Variants in DOCK6 observed in about 807,000 individuals in gnomAD.
DOCK6 encodes the protein dedicator of cytokinesis 6.
Under a neutral mutation model 230.3 loss-of-function variants are expected in DOCK6, and 167 were observed. The ratio of observed to expected loss-of-function variants is 0.73; its 90% CI spans 0.64 to 0.82. DOCK6 has a LOEUF of 0.82. Ranked by LOEUF, DOCK6 falls within the 40% of genes least tolerant of loss-of-function variation. DOCK6 has a pLI of 0.00. For synonymous variants in DOCK6, 1,148 were observed against 1,185.0 expected (o/e 0.97, Z 0.64); for missense variants, 2,598 against 2,825.8 (o/e 0.92, Z 1.83).
chr19:11,213,286 C>T lies in DOCK6; in HGVS notation c.4381G>A (p.Asp1461Asn). 1.9e-6 allele frequency: 3 copies of T among 1,612,750 alleles called. No homozygotes were observed. The highest frequency in any genetic ancestry group is 1.1e-5 in the South Asian group (1 of 91,044). Residue 1461 changes from aspartate to asparagine, a missense_variant, in exon 35 of 48, where the codon GAC (aspartate) becomes AAC (asparagine). Transcript: ENST00000294618. ...LFEEDTELCA[D>N]LCLRLLRHCG... ...TGTCGTAGGAGCCTCAGGCACAGGT[C>T]GGCACACAGCTCCGTGTCCTCCTCG...
At chr19:11,247,966 G>T in intron 7 of DOCK6, 100 bp downstream of exon 7, 1 of 1,040,250 alleles carries the variant, frequency 9.6e-7, no homozygotes, top group Non-Finnish European at 1.4e-6. Flanking sequence ...AGGTGACAGG[G>T]CCGCACACGG....
chr19:11,252,704 G>A lies in DOCK6; in HGVS notation c.308+79C>T, dbSNP rs535502780. ...TTGTCCAACGTCACGGCCAAGCCAGGAGCTGAAGTCGGGCTGTTGATGGGG... is the reference window on the plus strand; with the variant it reads ...TTGTCCAACGTCACGGCCAAGCCAGAAGCTGAAGTCGGGCTGTTGATGGGG... On this transcript the variant is annotated intron_variant, in intron 3 of 47. Transcript: ENST00000294618. 1.1e-3 allele frequency: 1,712 copies of A among 1,597,198 alleles called. 3 individuals carry two copies. The highest frequency in any genetic ancestry group is 1.4e-3 in the Non-Finnish European group (1,649 of 1,167,790).
Position 11,208,773 on chromosome 19 carries a change from G to T in DOCK6, c.5001C>A (p.Pro1667=). ...ESAISDDILS[P]DEEGFCSGKH... ...TCCCGGAGCAGAAGCCCTCCTCGTC[G>T]GGCGACAGGATGTCGTCGGAGATGG... Residue 1667 remains proline (P), a synonymous_variant, in exon 39 of 48, where the codon CCC becomes CCA. Coordinates refer to ENST00000294618, the MANE Select transcript of DOCK6 (RefSeq NM_020812.4). The T allele has an allele frequency of 6.2e-7, 1 of 1,613,670 alleles. No individual in the cohort carries two copies. The highest frequency in any genetic ancestry group is 1.1e-5 in the South Asian group (1 of 91,076).
At position 11,245,860 on chromosome 19, in the gene DOCK6, C is replaced by T. The variant is rs2080024433; in HGVS notation, c.825G>A (p.Glu275=). ...ACAGAGCCAAGATCCCAAAGATGGG[C>T]TCAATTTCAATCTCGAACCTACAAG... ...CLSLKFEIEI[E]PIFGILALYD... Residue 275 remains glutamate, a synonymous_variant, in exon 8 of 48, where the codon GAG becomes GAA. Coordinates refer to ENST00000294618, the MANE Select transcript of DOCK6 (RefSeq NM_020812.4). 1.3e-6 allele frequency: 2 copies of T among 1,567,044 alleles called. No individual in the cohort carries two copies. The highest frequency in any genetic ancestry group is 1.9e-5 in the Admixed American group (1 of 52,554).
At position 11,217,072 on chromosome 19, in the gene DOCK6, A is replaced by AGAGGG; in HGVS notation, c.3731_3735dup (p.Ser1246ProfsTer18). 6.2e-7 allele frequency: 1 copy of AGAGGG among 1,613,288 alleles called. No homozygotes were observed. On this transcript the variant is annotated frameshift_variant, in exon 30 of 48. Transcript: ENST00000294618. LOFTEE classifies it high-confidence loss of function. Reference sequence around the variant, plus strand: ...AGCAAGGTCCGGCTTGACTCAGCAGAGAGGGCACAGCCTGCGCGAGAAGCC... The same window carrying AGAGGG: ...AGCAAGGTCCGGCTTGACTCAGCAGAGAGGGGAGGGCACAGCCTGCGCGAGAAGCC...
At chr19:11,239,850 C>A in intron 14 of DOCK6, 1 of 1,599,930 alleles carries the variant, frequency 6.3e-7, no homozygotes, top group Non-Finnish European at 8.5e-7. Context: ...GTCTCTATGG[C>A]CGCACAATAG....
At chr19:11,256,173 T>G (rs1303282863) in intron 1 of DOCK6, among the ~76,000 whole-genome samples, 2 of 152,082 alleles carry the variant, frequency 1.3e-5, no homozygotes, top group Non-Finnish European at 2.9e-5. Flanking sequence ...TCAAAGGATG[T>G]GAAAAATTAG....
intron 22 of DOCK6, among the ~76,000 whole-genome samples, chr19:11,231,613 G>A (rs1033176550): frequency 2.0e-5 from 3 of 152,164 alleles, no homozygotes; most frequent in Non-Finnish European, 4.4e-5. Context: ...AACTGCATCC[G>A]AAAATTTGGA....
At chr19:11,248,197 T>A in intron 6 of DOCK6, 46 bp from the exon 7 acceptor site, 5 of 1,473,024 alleles carry the variant, frequency 3.4e-6, no homozygotes, top group Non-Finnish European at 4.6e-6. Context: ...AGCTGGGACA[T>A]CCTCCAGGAA....
chr19:11,226,168 C>T lies in DOCK6; in HGVS notation c.2955+1169G>A, dbSNP rs139950138. ...CATCTGCCCTCTGCTCCACCATAAG[C>T]CCCACTTTCCCAGCTGAAACTGGTA... On this transcript the variant is annotated intron_variant, in intron 24 of 47. Transcript: ENST00000294618. Among the ~76,000 whole-genome samples, 10 of 152,302 alleles carry T rather than the reference C, an allele frequency of 6.6e-5. No individual in the cohort carries two copies. In the East Asian group the frequency reaches 1.9e-3, roughly 29 times the overall value.
At position 11,254,682 on chromosome 19, in the gene DOCK6, G is replaced by GA. The variant is rs974460402; in HGVS notation, c.45-957dup. On this transcript the variant is annotated intron_variant, in intron 1 of 47. Transcript: ENST00000294618. The stretch of plus-strand genomic sequence containing the variant: ...GGGCAACAGAGCAAGACTTTGTCTC[G>GA]AAAAAAAAAAAAAATCAGGGAGGAT... 1.7e-3 allele frequency among the ~76,000 whole-genome samples: 236 copies of GA among 135,092 alleles called. 2 individuals carry two copies. Among genetic ancestry groups the GA allele is most frequent in the Middle Eastern group, 0.017 (4 of 242 alleles). The allele number at this position is 135,092 out of a possible 152,430, so 88.6% of individuals were successfully genotyped here.
At chr19:11,253,533 G>A in intron 2 of DOCK6, 106 bp downstream of exon 2, 1 of 719,400 alleles carries the variant, frequency 1.4e-6, no homozygotes, top group Non-Finnish European at 2.1e-6. Context: ...TTCCCCCCAG[G>A]ACAGGCCACA....
At position 11,249,767 on chromosome 19, in the gene DOCK6, T is replaced by G. The variant is rs544470214; in HGVS notation, c.720+1107A>C. The stretch of plus-strand genomic sequence containing the variant: ...TACAAAATTAGCCGGGCGTGGTGGC[T>G]GGCGCCTGTAGTCCCAGCTACTCGG... On this transcript the variant is annotated intron_variant, in intron 6 of 47. Coordinates refer to ENST00000294618, the MANE Select transcript of DOCK6 (RefSeq NM_020812.4). Among the ~76,000 whole-genome samples, 1,029 of 143,092 alleles carry G rather than the reference T, an allele frequency of 7.2e-3. 13 individuals are homozygous for G. The highest frequency in any genetic ancestry group is 0.025 in the African/African-American group (976 of 38,962). 93.9% of individuals were successfully genotyped at this position (143,092 alleles called of 152,430 possible). A position where few individuals can be genotyped will look rare whatever the true frequency, so the allele number is the denominator to read the frequency against.
chr19:11,250,608 C>T (rs572593762), intron 6 of DOCK6, among the ~76,000 whole-genome samples: 2 of 152,226 alleles, frequency 1.3e-5, no homozygotes, highest in African/African-American at 4.8e-5. Flanking sequence ...CCATGCCCGG[C>T]CTAGAAGCTA....
Position 11,213,317 on chromosome 19 carries a change from C to T in DOCK6, c.4350G>A (p.Leu1450=), listed in dbSNP as rs763073235. ...QRALVSKFPE[L]LFEEDTELCA... is the part of the protein sequence containing the mutation. ...ACAGCTCCGTGTCCTCCTCGAACAG[C>T]AGCTCCGGGAACTGCCCCCAAGGAC... The change falls in exon 35 of 48, where the codon CTG becomes CTA. Residue 1450 remains leucine, a synonymous_variant. Coordinates refer to ENST00000294618, the MANE Select transcript of DOCK6 (RefSeq NM_020812.4). 1 of 1,611,302 alleles carries T rather than the reference C, an allele frequency of 6.2e-7. No individual in the cohort carries two copies. The highest frequency in any genetic ancestry group is 2.2e-5 in the East Asian group (1 of 44,880).
rs1250834117 is a variant in DOCK6, at chr19:11,216,850, C to T, written c.3894+64G>A. ...ACCCCTTCCCACTCAGCCCGCAGCA[C>T]GCTGGGTCCCTGGGTACATCCTTAG... On this transcript the variant is annotated intron_variant, in intron 30 of 47. Transcript: ENST00000294618. The T allele has an allele frequency of 1.3e-4, 205 of 1,554,976 alleles. 5 individuals carry two copies. In the South Asian group the frequency reaches 1.5e-3, roughly 11 times the overall value.
chr19:11,228,458 G>A (rs536519273), intron 23 of DOCK6, among the ~76,000 whole-genome samples: 18 of 151,960 alleles, frequency 1.2e-4, no homozygotes, highest in Non-Finnish European at 2.4e-4. Flanking sequence ...GTCTCTCCAG[G>A]GAGACACCAC....
chr19:11,252,813 C>G lies in DOCK6; in HGVS notation c.278G>C (p.Arg93Pro), dbSNP rs769358298. Residue 93 changes from arginine (R) to proline (P), a missense_variant, in exon 3 of 48, where the codon CGG becomes CCG. Arg to Pro is a moderately radical substitution (Grantham distance 103). Transcript: ENST00000294618. The stretch of plus-strand genomic sequence containing the variant: ...CTTGGGGATCCCGGGCTCCGTGGTC[C>G]GGCATTCCCGGGGCTGCAGCAGCAG... ...LELLLQPREC[R>P]TTEPGIPKDE... is the part of the protein sequence containing the mutation. The G allele has an allele frequency of 3.7e-6, 6 of 1,612,790 alleles. No individual in the cohort carries two copies. The highest frequency in any genetic ancestry group is 4.2e-6 in the Non-Finnish European group (5 of 1,179,304).
intron 47 of DOCK6, among the ~76,000 whole-genome samples, chr19:11,199,745 T>C (rs1429249277): frequency 6.6e-6 from 1 of 152,240 alleles, no homozygotes; most frequent in Non-Finnish European, 1.5e-5. Context: ...TTTACAGATG[T>C]AGAAACTGAG....
Sources: allele counts gnomAD v4.1 joint callset (sites outside exome capture counted in the v4.1 genomes callset), GRCh38; gene constraint gnomAD v4.1.1; transcripts MANE v1.5; gene names NCBI Gene and HGNC (gene_info 2026-07-23, HGNC 2026-07-21).